COG4: variants seen among roughly 807,000 people sequenced by gnomAD.
COG4 encodes the protein conserved oligomeric Golgi complex subunit 4.
COG4 carries 65 observed loss-of-function variants against 95.1 expected under a neutral mutation model. The observed-to-expected ratio is 0.68, with a 90% CI of 0.56 to 0.84. COG4 has a LOEUF of 0.84. Among genes scored for constraint, COG4 ranks in the 40% least tolerant of loss-of-function variants. The pLI, the probability that COG4 is intolerant of heterozygous loss-of-function variation, is 0.00. For synonymous variants in COG4, 421 were observed against 374.8 expected, an observed-to-expected ratio of 1.12 and a Z score of -1.42; for missense variants, 1,045 against 989.1, an observed-to-expected ratio of 1.06 and a Z score of -0.76.
At chr16:70,504,609 T>TCAAAAAAAAAAAA (rs2049521316) in intron 8 of COG4, among the ~76,000 whole-genome samples, 1 of 121,946 alleles carries the variant, frequency 8.2e-6, no homozygotes, top group Admixed American at 8.0e-5. Context: ...AGATTCTATT[T>TCAAAAAAAAAAAA]AAAAAAAAAA....
chr16:70,483,490 A>C (rs2049057547), intron 14 of COG4, among the ~76,000 whole-genome samples: 1 of 151,716 alleles, frequency 6.6e-6, no homozygotes, highest in African/African-American at 2.4e-5. Context: ...AGGCCTTGAG[A>C]CTGTTCTGAT....
At chr16:70,523,149 G>A in intron 1 of COG4, 7 of 586,676 alleles carry the variant, frequency 1.2e-5, no homozygotes, top group Non-Finnish European at 2.1e-5. Context: ...CTAGGGAGGA[G>A]AGGCTGCAGA....
At chr16:70,498,364 T>C (rs2049382823) in intron 9 of COG4, among the ~76,000 whole-genome samples, 1 of 152,056 alleles carries the variant, frequency 6.6e-6, no homozygotes, top group Non-Finnish European at 1.5e-5. Context: ...GTTTCACTCT[T>C]GTTGCCCAGG....
At position 70,481,885 on chromosome 16, in the gene COG4, A is replaced by G. The variant is rs759837446; in HGVS notation, c.2005-20T>C. 1 of 1,604,164 alleles carries G rather than the reference A, an allele frequency of 6.2e-7. No individual in the cohort carries two copies. The highest frequency in any genetic ancestry group is 1.1e-5 in the South Asian group (1 of 90,450). On this transcript the variant is annotated intron_variant, in intron 16 of 18. Coordinates refer to ENST00000323786, the MANE Select transcript of COG4 (RefSeq NM_015386.3). ...GCTGGCCTGCACACAGAGGGTTGAC[A>G]TCAGCCGAGCCCCACCTAACTCCTC...
intron 1 of COG4, among the ~76,000 whole-genome samples, chr16:70,522,697 T>C (rs1163922743): frequency 6.6e-6 from 1 of 152,180 alleles, no homozygotes; most frequent in Non-Finnish European, 1.5e-5. Context: ...CGAAAGTGAA[T>C]TGACAGCATC....
chr16:70,500,581 G>A (rs1393076905), intron 9 of COG4, among the ~76,000 whole-genome samples: 3 of 151,352 alleles, frequency 2.0e-5, no homozygotes, highest in African/African-American at 7.3e-5. Context: ...GGCTGGTCTC[G>A]AACTCCTGAC....
chr16:70,481,032 T>C lies in COG4; in HGVS notation c.2348A>G (p.Asp783Gly), dbSNP rs765871294. ...CAGCTACAGGCGCAGCCTCTTGATA[T>C]CTTCACTGCGGAAGTCTATCCGCAG... ...LALRIDFRSEDIKRLRL is the reference protein window; with the variant it reads ...LALRIDFRSEGIKRLRL Residue 783 changes from aspartate (D) to glycine (G), a missense_variant, in exon 19 of 19, where the codon GAT (aspartate) becomes GGT (glycine). Transcript: ENST00000323786. 9.9e-6 allele frequency: 16 copies of C among 1,612,852 alleles called. No homozygotes were observed. Among genetic ancestry groups the C allele is most frequent in the African/African-American group, 5.3e-5 (4 of 74,906 alleles).
intron 12 of COG4, among the ~76,000 whole-genome samples, chr16:70,494,562 C>A (rs1328763887): frequency 1.3e-5 from 2 of 152,096 alleles, no homozygotes; most frequent in Non-Finnish European, 2.9e-5. Flanking sequence ...AATGGGAGGT[C>A]CTCACAGAGC....
intron 3 of COG4, among the ~76,000 whole-genome samples, chr16:70,515,300 G>A (rs1214205338): frequency 6.6e-6 from 1 of 152,108 alleles, no homozygotes; most frequent in Non-Finnish European, 1.5e-5. Flanking sequence ...GAGATTACAG[G>A]AGTAAGCCAG....
intron 2 of COG4, among the ~76,000 whole-genome samples, chr16:70,519,059 G>A (rs888748543): frequency 5.9e-5 from 9 of 151,670 alleles, no homozygotes; most frequent in Non-Finnish European, 1.5e-5. Flanking sequence ...CATCTTCCTG[G>A]ACCCCACCCC....
intron 13 of COG4, 106 bp from the exon 14 acceptor site, chr16:70,484,075 GC>G (rs2049077011): frequency 1.1e-5 from 9 of 851,220 alleles, no homozygotes. Flanking sequence ...CCTGTCAAGA[GC>G]CCGGATGGGT....
intron 5 of COG4, among the ~76,000 whole-genome samples, chr16:70,511,874 G>C (rs974576514): frequency 6.6e-6 from 1 of 152,066 alleles, no homozygotes; most frequent in Admixed American, 6.6e-5. Context: ...GGAGGTTGCA[G>C]TGAGCTGACA....
chr16:70,517,882 T>C (rs2049857472), intron 2 of COG4, 142 bp from the exon 3 acceptor site: 1 of 675,210 alleles, frequency 1.5e-6, no homozygotes, highest in Non-Finnish European at 2.7e-6. Flanking sequence ...TACTCAGCTT[T>C]TTCTCAAGAA....
chr16:70,508,798 T>G (rs1435316797), intron 7 of COG4: 3 of 564,392 alleles, frequency 5.3e-6, no homozygotes, highest in Non-Finnish European at 1.0e-5. Context: ...TTACTTTCTC[T>G]GCTCAAAAGA....
At chr16:70,509,201 C>A in intron 7 of COG4, 30 bp downstream of exon 7, 1 of 1,613,970 alleles carries the variant, frequency 6.2e-7, no homozygotes. Flanking sequence ...AAGCTGCTAC[C>A]AAACCCTACC....
At position 70,481,874 on chromosome 16, in the gene COG4, A is replaced by C. The variant is rs760939608; in HGVS notation, c.2005-9T>G. 1 of 1,611,638 alleles carries C rather than the reference A, an allele frequency of 6.2e-7. No homozygotes were observed. Among genetic ancestry groups the C allele is most frequent in the South Asian group, 1.1e-5 (1 of 90,836 alleles). On this transcript the variant is annotated splice_polypyrimidine_tract_variant and intron_variant, in intron 16 of 18. Coordinates refer to ENST00000323786, the MANE Select transcript of COG4 (RefSeq NM_015386.3). ...ACCGGGGACAGGCTGGCCTGCACACAGAGGGTTGACATCAGCCGAGCCCCA... is the reference window on the plus strand; with the variant it reads ...ACCGGGGACAGGCTGGCCTGCACACCGAGGGTTGACATCAGCCGAGCCCCA...
chr16:70,481,557 G>C, intron 17 of COG4, 70 bp from the exon 18 acceptor site: 1 of 1,605,588 alleles, frequency 6.2e-7, no homozygotes, highest in Non-Finnish European at 8.5e-7. Flanking sequence ...GTTGCCCCCA[G>C]AGCTGGGTGG....
In COG4 at chr16:70,514,505, C is replaced by T. The variant is rs1482010272; in HGVS notation, c.374G>A (p.Arg125His). 6.2e-6 allele frequency: 10 copies of T among 1,613,664 alleles called. No homozygotes were observed. The highest frequency in any genetic ancestry group is 4.5e-5 in the East Asian group (2 of 44,884). The change falls in exon 4 of 19, where the codon CGC becomes CAC. Residue 125 changes from arginine (R) to histidine (H), a missense_variant. Coordinates refer to ENST00000323786, the MANE Select transcript of COG4 (RefSeq NM_015386.3). The stretch of plus-strand genomic sequence containing the variant: ...AGCTCTCTGAATGGCCTGATAGAGG[C>T]GGTTCTGCAAAAAGATTTGGTACTT... ...KVRQLDLAKN[R>H]LYQAIQRADD... is the part of the protein sequence containing the mutation.
In COG4 at chr16:70,481,485, C is replaced by T; in HGVS notation, c.2109G>A (p.Leu703=). Residue 703 remains leucine, a splice_region_variant and synonymous_variant, in exon 18 of 19, where the codon CTG becomes CTA. Coordinates refer to ENST00000323786, the MANE Select transcript of COG4 (RefSeq NM_015386.3). ...KVVLKSTFNR[L]GGLQFDKELR... ...GCTCCTTGTCAAACTGCAGACCACC[C>T]AGCTGCAGGAGAACCCAAGCCCAGT... is the stretch of plus-strand genomic sequence containing the variant. 6.2e-7 allele frequency: 1 copy of T among 1,611,728 alleles called. No homozygotes were observed. Among genetic ancestry groups the T allele is most frequent in the Non-Finnish European group, 8.5e-7 (1 of 1,179,994 alleles).
Sources: gnomAD v4.1 joint callset for allele counts (sites outside exome capture counted in the v4.1 genomes callset) on GRCh38, gnomAD v4.1.1 for gene constraint, MANE v1.5 for transcripts, NCBI Gene and HGNC (gene_info 2026-07-23, HGNC 2026-07-21) for gene names.